C21orf58: variants seen among roughly 807,000 people sequenced by gnomAD.
The protein encoded by C21orf58 is chromosome 21 open reading frame 58.
C21orf58 carries 34 observed loss-of-function variants against 35.8 expected under a neutral mutation model. The ratio of observed to expected loss-of-function variants is 0.95; its 90% confidence interval spans 0.72 to 1.26. The LOEUF (loss-of-function observed/expected upper bound fraction) is 1.26, where lower values mean the gene tolerates loss of function less well. C21orf58 is among the 50% of genes most tolerant of loss of function. The probability of loss-of-function intolerance (pLI) is 0.00; values close to 1 mark genes in which losing one functional copy is unlikely to be tolerated. For synonymous variants in C21orf58, 191 were observed against 175.8 expected, an observed-to-expected ratio of 1.09 and a Z score of -0.68; for missense variants, 440 against 414.3, an observed-to-expected ratio of 1.06 and a Z score of -0.54.
chr21:46,303,758 T>TTA (rs2082280405), intron 6 of C21orf58, among the ~76,000 whole-genome samples: 1 of 93,576 alleles, frequency 1.1e-5, no homozygotes, highest in Non-Finnish European at 2.3e-5. Flanking sequence ...TTTTTTTTTT[T>TTA]TTTTTTTTTT....
rs533918360 is a variant in C21orf58, at chr21:46,312,573, C to G, written c.610-1006G>C. 2.6e-3 allele frequency among the ~76,000 whole-genome samples: 398 copies of G among 152,322 alleles called. 2 individuals are homozygous for G. The highest frequency in any genetic ancestry group is 8.2e-3 in the African/African-American group (342 of 41,570). ...ACCTCAGGAGAGCCACCCATCCAAC[C>G]AACCAACAGTGTCCAGGCAGGGGAA... On this transcript the variant is annotated intron_variant, in intron 5 of 7. Coordinates refer to ENST00000291691, the MANE Select transcript of C21orf58 (RefSeq NM_058180.5).
intron 1 of C21orf58, among the ~76,000 whole-genome samples, chr21:46,320,243 C>G (rs1266231015): frequency 1.3e-5 from 2 of 151,978 alleles, no homozygotes; most frequent in Non-Finnish European, 2.9e-5. Context: ...GCTGGGAGTA[C>G]AGGTGCACGC....
chr21:46,321,539 G>T (rs2083156055), intron 1 of C21orf58, among the ~76,000 whole-genome samples: 1 of 152,182 alleles, frequency 6.6e-6, no homozygotes, highest in Admixed American at 6.5e-5. Context: ...TGATGACCTT[G>T]ACAGTTTCGA....
chr21:46,322,535 G>T (rs1476632229), intron 1 of C21orf58, 104 bp downstream of exon 1: 22 of 1,312,810 alleles, frequency 1.7e-5, no homozygotes, highest in Non-Finnish European at 2.1e-5. Flanking sequence ...GCTTGGCTGT[G>T]TTGCCTGCCT....
intron 2 of C21orf58, 176 bp from the exon 3 acceptor site, chr21:46,317,444 T>G: frequency 9.3e-7 from 1 of 1,075,634 alleles, no homozygotes; most frequent in Non-Finnish European, 1.3e-6. Context: ...GAGCTGCCTC[T>G]GTAAGCCTGA....
chr21:46,307,996 C>CT (rs1048571587), intron 6 of C21orf58, among the ~76,000 whole-genome samples: 20 of 151,774 alleles, frequency 1.3e-4, no homozygotes, highest in Admixed American at 6.6e-4. Flanking sequence ...TTGGCAGTTT[C>CT]TTTTTTTTCT....
At chr21:46,322,343 C>T (rs2083195724) in intron 1 of C21orf58, 1 of 590,630 alleles carries the variant, frequency 1.7e-6, no homozygotes, top group Admixed American at 6.3e-5. Flanking sequence ...TTAGCAGAAC[C>T]TCTCTAGGAT....
chr21:46,304,718 C>G (rs558846372), intron 6 of C21orf58, among the ~76,000 whole-genome samples: 3 of 152,248 alleles, frequency 2.0e-5, no homozygotes, highest in Non-Finnish European at 2.9e-5. Context: ...GCTGTATTTC[C>G]TGACACAGCC....
intron 3 of C21orf58, among the ~76,000 whole-genome samples, 178 bp downstream of exon 3, chr21:46,317,030 A>G (rs1339612841): frequency 1.3e-5 from 2 of 152,200 alleles, no homozygotes. Context: ...GTGATAAGGA[A>G]TGGGGGTGTC....
At chr21:46,314,442 G>A (rs528688007) in intron 5 of C21orf58, among the ~76,000 whole-genome samples, 5 of 152,164 alleles carry the variant, frequency 3.3e-5, no homozygotes, top group Non-Finnish European at 7.3e-5. Flanking sequence ...GAGCTCTCCT[G>A]ATACTTCTGC....
At chr21:46,320,750 C>A (rs1435796918) in intron 1 of C21orf58, 1 of 152,234 alleles carries the variant, frequency 6.6e-6, no homozygotes, top group African/African-American at 2.4e-5. Context: ...GCTGCAGGCT[C>A]TGCCCACATC....
At chr21:46,310,971 A>G (rs1489529328) in intron 6 of C21orf58, among the ~76,000 whole-genome samples, 1 of 151,938 alleles carries the variant, frequency 6.6e-6, no homozygotes, top group Non-Finnish European at 1.5e-5. Flanking sequence ...CCCAGGTTCA[A>G]GCAATTTCTC....
intron 5 of C21orf58, among the ~76,000 whole-genome samples, chr21:46,314,047 G>A (rs2082860066): frequency 6.6e-6 from 1 of 152,106 alleles, no homozygotes; most frequent in South Asian, 2.1e-4. Context: ...ACAGCTGTAG[G>A]AAGCTCTCAG....
At chr21:46,303,745 A>ATAT (rs2082273893) in intron 6 of C21orf58, among the ~76,000 whole-genome samples, 22 of 23,810 alleles carry the variant, frequency 9.2e-4, no homozygotes, top group Non-Finnish European at 1.0e-3. Context: ...ATATATATAT[A>ATAT]TTTTTTTTTT....
chr21:46,312,144 T>C (rs781706888), intron 5 of C21orf58, among the ~76,000 whole-genome samples: 9 of 152,124 alleles, frequency 5.9e-5, no homozygotes, highest in Non-Finnish European at 1.0e-4. Flanking sequence ...AGGAGAACTT[T>C]AAATGATTAA....
At chr21:46,309,303 AC>A (rs2082562134) in intron 6 of C21orf58, among the ~76,000 whole-genome samples, 1 of 151,802 alleles carries the variant, frequency 6.6e-6, no homozygotes, top group African/African-American at 2.4e-5. Flanking sequence ...TCTACTAAAA[AC>A]CACAAAAATT....
intron 1 of C21orf58, among the ~76,000 whole-genome samples, chr21:46,320,401 C>T (rs2146125164): frequency 6.6e-6 from 1 of 151,568 alleles, no homozygotes; most frequent in South Asian, 2.1e-4. Context: ...AGCACCTGGC[C>T]CCTGATGCCT....
At position 46,323,850 on chromosome 21, in the gene C21orf58, G is replaced by T; in HGVS notation, c.-1112C>A. Reference sequence around the variant, plus strand: ...CAAAGCCCAGGGGCCGCCCGCGCGGGACCAGCAGCGCGAACTTTTTGCCGC... The same window carrying T: ...CAAAGCCCAGGGGCCGCCCGCGCGGTACCAGCAGCGCGAACTTTTTGCCGC... On this transcript the variant is annotated 5_prime_UTR_variant, in exon 1 of 8. Coordinates refer to ENST00000291691, the MANE Select transcript of C21orf58 (RefSeq NM_058180.5). 2 of 363,562 alleles carry T rather than the reference G, an allele frequency of 5.5e-6. No individual in the cohort carries two copies. Among genetic ancestry groups the T allele is most frequent in the Non-Finnish European group, 1.0e-5 (2 of 191,000 alleles). 22.5% of individuals were successfully genotyped at this position (363,562 alleles called of 1,614,324 possible).
In C21orf58 at chr21:46,317,212, C is replaced by T. The variant is rs758735604; in HGVS notation, c.366G>A (p.Glu122=). The change falls in exon 3 of 8, where the codon GAG becomes GAA. Residue 122 remains glutamate (E), a synonymous_variant. Transcript: ENST00000291691. The part of the protein sequence containing the change: ...VEGGPEGLHL[E]PGNEDRPDDA... ...AAGCAGCCCAGGGGCTCTCACCTGGCTCGAGGTGGAGGCCCTCAGGTCCCC... is the reference window on the plus strand; with the variant it reads ...AAGCAGCCCAGGGGCTCTCACCTGGTTCGAGGTGGAGGCCCTCAGGTCCCC... The T allele has an allele frequency of 5.0e-6, 8 of 1,610,432 alleles. No individual in the cohort carries two copies. Among genetic ancestry groups the T allele is most frequent in the Middle Eastern group, 3.3e-4 (2 of 6,078 alleles).
Sources: allele counts gnomAD v4.1 joint callset (sites outside exome capture counted in the v4.1 genomes callset), GRCh38; gene constraint gnomAD v4.1.1; transcripts MANE v1.5; gene names NCBI Gene and HGNC (gene_info 2026-07-23, HGNC 2026-07-21).